Variants in TBC1D22A observed in about 807,000 individuals in gnomAD.
TBC1D22A encodes the protein TBC1 domain family member 22A.
Under a neutral mutation model 60.2 loss-of-function variants are expected in TBC1D22A, and 38 were observed. The observed-to-expected ratio is 0.63, with a 90% CI of 0.49 to 0.83. TBC1D22A has a LOEUF of 0.83. Among genes scored for constraint, TBC1D22A ranks in the 40% least tolerant of loss-of-function variants. The probability of loss-of-function intolerance (pLI) is 0.00; values close to 1 mark genes in which losing one functional copy is unlikely to be tolerated. For missense variants in TBC1D22A, 628 were observed against 701.0 expected (o/e 0.90, Z 1.18); for synonymous variants, 302 against 281.7 (o/e 1.07, Z -0.72).
intron 1 of TBC1D22A, among the ~76,000 whole-genome samples, chr22:46,785,610 C>G (rs1412200014): frequency 6.6e-6 from 1 of 152,182 alleles, no homozygotes; most frequent in Non-Finnish European, 1.5e-5. Flanking sequence ...CTGCCTTCCT[C>G]CCTGTTCTAG....
At chr22:47,076,408 CAT>C (rs770188684) in intron 11 of TBC1D22A, among the ~76,000 whole-genome samples, 19,246 of 94,540 alleles carry the variant, frequency 0.2, 1,846 homozygotes, top group South Asian at 0.25. Flanking sequence ...CACACACACA[CAT>C]ATATATATAT....
chr22:46,947,346 A>G (rs2072611785), intron 8 of TBC1D22A, among the ~76,000 whole-genome samples: 1 of 151,496 alleles, frequency 6.6e-6, no homozygotes, highest in African/African-American at 2.4e-5. Flanking sequence ...ATCCGAGTAG[A>G]GCCATTTGTT....
chr22:46,866,493 G>T (rs2097360), intron 4 of TBC1D22A, among the ~76,000 whole-genome samples: 3,219 of 152,290 alleles, frequency 0.021, 48 homozygotes, highest in Middle Eastern at 0.034. Context: ...CTGTCAAGCG[G>T]CAAGCAAAGC....
chr22:46,832,515 G>A (rs1287555681), intron 4 of TBC1D22A, among the ~76,000 whole-genome samples: 3 of 151,914 alleles, frequency 2.0e-5, no homozygotes, highest in Non-Finnish European at 2.9e-5. Context: ...GTGTGGTGGC[G>A]GGCACCTGTA....
At chr22:47,097,878 C>A (rs2065246547) in intron 11 of TBC1D22A, among the ~76,000 whole-genome samples, 2 of 152,062 alleles carry the variant, frequency 1.3e-5, no homozygotes, top group African/African-American at 2.4e-5. Context: ...AGGTTGCCTA[C>A]CTGCCTTTGC....
chr22:46,852,586 G>A (rs903764256), intron 4 of TBC1D22A, among the ~76,000 whole-genome samples: 1 of 152,180 alleles, frequency 6.6e-6, no homozygotes, highest in African/African-American at 2.4e-5. Context: ...TTGAAGGCTT[G>A]TTCTTGGTTC....
At chr22:46,845,822 T>C (rs1196412537) in intron 4 of TBC1D22A, among the ~76,000 whole-genome samples, 1 of 152,226 alleles carries the variant, frequency 6.6e-6, no homozygotes, top group Non-Finnish European at 1.5e-5. Flanking sequence ...CATGTACTAG[T>C]TGCAAGCTGG....
chr22:47,040,637 G>A (rs1385569111), intron 11 of TBC1D22A, among the ~76,000 whole-genome samples: 1 of 152,170 alleles, frequency 6.6e-6, no homozygotes, highest in Non-Finnish European at 1.5e-5. Flanking sequence ...GGCTGCTGGG[G>A]AGGTGAGGAT....
At chr22:46,956,793 G>A (rs2073219060) in intron 8 of TBC1D22A, among the ~76,000 whole-genome samples, 2 of 152,252 alleles carry the variant, frequency 1.3e-5, no homozygotes, top group Admixed American at 1.3e-4. Flanking sequence ...GGCTTTAGGT[G>A]AGGCACTTCC....
rs549882174 is a variant in TBC1D22A, at chr22:46,913,842, C to G, written c.1015+1654C>G. ...ACCTAAGCGATTCTTAATGCATTTG[C>G]CTGATTATCTGCAAGACAGGATGAA... is the stretch of plus-strand genomic sequence containing the variant. On this transcript the variant is annotated intron_variant, in intron 8 of 12. Transcript: ENST00000337137. 4 of 841,716 alleles carry G rather than the reference C, an allele frequency of 4.8e-6. No homozygotes were observed. In the East Asian group the frequency reaches 4.9e-4, roughly 104 times the overall value. 52.1% of individuals were successfully genotyped at this position (841,716 alleles called of 1,614,324 possible).
At chr22:47,007,113 A>G (rs1291360901) in intron 10 of TBC1D22A, among the ~76,000 whole-genome samples, 1 of 152,166 alleles carries the variant, frequency 6.6e-6, no homozygotes, top group Non-Finnish European at 1.5e-5. Flanking sequence ...AAAAGGCGCT[A>G]TCAGAATCCC....
chr22:46,902,870 A>ATCCTCAGCAGCGCACAGTT (rs2069103834), intron 7 of TBC1D22A, among the ~76,000 whole-genome samples: 7 of 152,244 alleles, frequency 4.6e-5, no homozygotes, highest in African/African-American at 1.7e-4. Flanking sequence ...GGATGAAGAC[A>ATCCTCAGCAGCGCACAGTT]GATGTGCGTG....
In TBC1D22A at chr22:46,777,137, G is replaced by C. The variant is rs1203040112; in HGVS notation, c.62+14289G>C. On this transcript the variant is annotated intron_variant, in intron 1 of 12. Transcript: ENST00000337137. The surrounding 1 kb of genome is among the most constrained non-coding windows in gnomAD (Gnocchi z 4.5). ...TGTGCTTCAGGGAGGAGACGAGGCT[G>C]ACCCTCCTGTTGGTGGATGGCAGTT... is the stretch of plus-strand genomic sequence containing the variant. Among the ~76,000 whole-genome samples, 3 of 152,126 alleles carry C rather than the reference G, an allele frequency of 2.0e-5. No individual in the cohort carries two copies. The highest frequency in any genetic ancestry group is 4.4e-5 in the Non-Finnish European group (3 of 68,016).
chr22:47,011,903 G>A (rs963188057), intron 10 of TBC1D22A, among the ~76,000 whole-genome samples: 1 of 151,906 alleles, frequency 6.6e-6, no homozygotes, highest in African/African-American at 2.4e-5. Context: ...ACAATGTTAC[G>A]TATCTAGTAT....
intron 11 of TBC1D22A, among the ~76,000 whole-genome samples, chr22:47,050,187 T>C (rs1488033284): frequency 6.6e-6 from 1 of 152,190 alleles, no homozygotes; most frequent in Admixed American, 6.5e-5. Context: ...TATTTTTTAG[T>C]AGAGACGGGG....
intron 4 of TBC1D22A, among the ~76,000 whole-genome samples, chr22:46,803,992 A>G (rs534630816): frequency 5.8e-4 from 88 of 152,328 alleles, no homozygotes; most frequent in African/African-American, 2.0e-3. Context: ...TGGTGCATAC[A>G]TGGTCCTGTG....
At chr22:46,801,083 G>A (rs765829277) in intron 4 of TBC1D22A, among the ~76,000 whole-genome samples, 1 of 152,220 alleles carries the variant, frequency 6.6e-6, no homozygotes, top group Non-Finnish European at 1.5e-5. Context: ...ATTTTAGCAC[G>A]TAAAAATCAA....
intron 4 of TBC1D22A, among the ~76,000 whole-genome samples, chr22:46,842,080 GGA>G: frequency 6.6e-6 from 1 of 152,328 alleles, no homozygotes; most frequent in East Asian, 1.9e-4. Context: ...CATGAAACAA[GGA>G]TAGATGGGTT....
chr22:46,902,318 G>T (rs549611380), intron 7 of TBC1D22A, among the ~76,000 whole-genome samples: 30 of 152,322 alleles, frequency 2.0e-4, no homozygotes, highest in Admixed American at 1.8e-3. Flanking sequence ...TTATTGTTGA[G>T]TATTAACTGA....
Sources: gnomAD v4.1 joint callset for allele counts (sites outside exome capture counted in the v4.1 genomes callset) on GRCh38, gnomAD v4.1.1 for gene constraint, Gnocchi (gnomAD v3.1) non-coding constraint, MANE v1.5 for transcripts, NCBI Gene and HGNC (gene_info 2026-07-23, HGNC 2026-07-21) for gene names.